AGMO: variants seen among roughly 807,000 people sequenced by gnomAD.
AGMO encodes the protein alkylglycerol monooxygenase.
In AGMO, 75 loss-of-function variants were observed where a neutral mutation model predicts 60.2. The ratio of observed to expected loss-of-function variants is 1.25; its 90% CI spans 1.03 to 1.51. AGMO has a LOEUF of 1.51. AGMO is among the 40% of genes most tolerant of loss of function. AGMO has a pLI of 0.00. For missense variants in AGMO, 763 were observed against 525.5 expected (o/e 1.45, Z -4.42); for synonymous variants, 261 against 177.1 (o/e 1.47, Z -3.76).
At chr7:15,232,018 CCA>C (rs1313275748) in intron 12 of AGMO, among the ~76,000 whole-genome samples, 1 of 152,138 alleles carries the variant, frequency 6.6e-6, no homozygotes, top group Admixed American at 6.5e-5. Context: ...ATATTTCTCC[CCA>C]AAGTCATATT....
chr7:15,198,227 G>GAGAGAC (rs1563030395), downstream of AGMO, among the ~76,000 whole-genome samples: 6 of 113,312 alleles, frequency 5.3e-5, no homozygotes, highest in African/African-American at 2.2e-4. Flanking sequence ...GAGAGAGAGA[G>GAGAGAC]AGAGAGAGAG....
At chr7:15,343,246 T>C (rs1371161984) in intron 12 of AGMO, among the ~76,000 whole-genome samples, 2 of 152,178 alleles carry the variant, frequency 1.3e-5, no homozygotes, top group African/African-American at 4.8e-5. Context: ...AATGTAGTAA[T>C]ATCTTTAATA....
intron 2 of AGMO, among the ~76,000 whole-genome samples, chr7:15,548,879 T>A (rs965803204): frequency 6.6e-6 from 1 of 151,214 alleles, no homozygotes; most frequent in East Asian, 1.9e-4. Context: ...TTCACCAAAG[T>A]TGAAATGAAG....
At chr7:15,201,786 T>C (rs1197860161) in intron 12 of AGMO, among the ~76,000 whole-genome samples, 1 of 152,166 alleles carries the variant, frequency 6.6e-6, no homozygotes, top group Non-Finnish European at 1.5e-5. Context: ...GTCAGTATGA[T>C]CTAGCTTACT....
chr7:15,484,500 A>G (rs1032697196), intron 3 of AGMO, among the ~76,000 whole-genome samples: 2 of 152,210 alleles, frequency 1.3e-5, no homozygotes, highest in Non-Finnish European at 2.9e-5. Flanking sequence ...GTGTGTTCAC[A>G]TTGTAAAATT....
chr7:15,326,691 A>G (rs1363134667), intron 12 of AGMO, among the ~76,000 whole-genome samples: 1 of 152,226 alleles, frequency 6.6e-6, no homozygotes, highest in Non-Finnish European at 1.5e-5. Context: ...GAATTATACC[A>G]TAATACCTAT....
chr7:15,247,971 C>T (rs904085190), intron 12 of AGMO, among the ~76,000 whole-genome samples: 14 of 150,788 alleles, frequency 9.3e-5, no homozygotes, highest in Admixed American at 4.0e-4. Context: ...TCAAACAAAG[C>T]CTCTTAGAGA....
At chr7:15,226,066 C>G (rs1459008730) in intron 12 of AGMO, among the ~76,000 whole-genome samples, 1 of 152,020 alleles carries the variant, frequency 6.6e-6, no homozygotes, top group Non-Finnish European at 1.5e-5. Flanking sequence ...TTTATCGTTG[C>G]TTTCTTTGCC....
At chr7:15,375,873 A>G (rs1783433123) in intron 10 of AGMO, among the ~76,000 whole-genome samples, 1 of 152,140 alleles carries the variant, frequency 6.6e-6, no homozygotes. Context: ...GTAACTTTTT[A>G]AAGAAGCTGC....
chr7:15,223,554 A>C (rs749893151), intron 12 of AGMO, among the ~76,000 whole-genome samples: 77 of 152,126 alleles, frequency 5.1e-4, no homozygotes, highest in Non-Finnish European at 7.1e-4. Flanking sequence ...ATGTCCAATA[A>C]GGGAGAAATA....
intron 12 of AGMO, among the ~76,000 whole-genome samples, chr7:15,350,900 T>G (rs559364654): frequency 2.6e-5 from 4 of 152,308 alleles, no homozygotes; most frequent in Non-Finnish European, 5.9e-5. Context: ...GGAGAGACAG[T>G]AATTAAACAT....
At chr7:15,385,663 T>TA in intron 9 of AGMO, 101 bp from the exon 10 acceptor site, 1 of 725,586 alleles carries the variant, frequency 1.4e-6, no homozygotes, top group Non-Finnish European at 2.4e-6. Flanking sequence ...GCTATTTTTT[T>TA]TAAAAAAAGA....
At chr7:15,143,683 TTTGTC>T in the AGMO span, among the ~76,000 whole-genome samples, 1 of 149,512 alleles carries the variant, frequency 6.7e-6, no homozygotes, top group South Asian at 2.1e-4. Flanking sequence ...TTTGTTTTGT[TTTGTC>T]TTTTTTTTTT....
chr7:15,342,779 C>CAAAG (rs1554419087), intron 12 of AGMO, among the ~76,000 whole-genome samples: 1 of 61,656 alleles, frequency 1.6e-5, no homozygotes, highest in Non-Finnish European at 2.7e-5. Context: ...AGTATAGCTG[C>CAAAG]AAAAAAAAAA....
chr7:15,380,121 C>T (rs1783614997), intron 10 of AGMO, among the ~76,000 whole-genome samples: 2 of 152,218 alleles, frequency 1.3e-5, no homozygotes, highest in African/African-American at 4.8e-5. Flanking sequence ...CCCTCCGTCT[C>T]TCACCACTCC....
intron 12 of AGMO, among the ~76,000 whole-genome samples, chr7:15,299,119 A>C (rs1784484407): frequency 6.6e-6 from 1 of 152,254 alleles, no homozygotes; most frequent in Admixed American, 6.5e-5. Context: ...TGCATCTTTT[A>C]AGGTTAGCTA....
chr7:15,342,057 T>G (rs1294346810), intron 12 of AGMO, among the ~76,000 whole-genome samples: 1 of 151,404 alleles, frequency 6.6e-6, no homozygotes, highest in Admixed American at 6.6e-5. Context: ...TCACTTTGCT[T>G]TTAAGTCTTC....
the AGMO span, among the ~76,000 whole-genome samples, chr7:15,165,739 G>A: frequency 6.6e-6 from 1 of 151,954 alleles, no homozygotes; most frequent in African/African-American, 2.4e-5. Flanking sequence ...GATATAACAC[G>A]TGGTTAATTG....
chr7:15,267,416 A>G (rs970957113), intron 12 of AGMO, among the ~76,000 whole-genome samples: 2 of 152,022 alleles, frequency 1.3e-5, no homozygotes, highest in Admixed American at 6.6e-5. Context: ...CTCAAATGAT[A>G]ATAATCTTTA....
Sources: allele counts gnomAD v4.1 joint callset (sites outside exome capture counted in the v4.1 genomes callset), GRCh38; gene constraint gnomAD v4.1.1; transcripts MANE v1.5; gene names NCBI Gene and HGNC (gene_info 2026-07-23, HGNC 2026-07-21).